Variants in PNPLA6 observed in about 807,000 individuals in gnomAD.
PNPLA6 encodes patatin like domain 6, lysophospholipase.
PNPLA6 carries 105 observed loss-of-function variants against 153.7 expected under a neutral mutation model. That is an observed-to-expected ratio of 0.68 (90% CI 0.58 to 0.80). The LOEUF (loss-of-function observed/expected upper bound fraction) is 0.80, where lower values mean the gene tolerates loss of function less well. PNPLA6 is among the 30% of genes least tolerant of loss of function. The probability of loss-of-function intolerance (pLI) is 0.00; values close to 1 mark genes in which losing one functional copy is unlikely to be tolerated. For synonymous variants in PNPLA6, 825 were observed against 822.2 expected (o/e 1.00, Z -0.06); for missense variants, 1,423 against 1,919.3 (o/e 0.74, Z 4.83).
intron 27 of PNPLA6, chr19:7,557,656 T>C (rs518321): frequency 0.59 from 206,888 of 351,594 alleles, 61,913 homozygotes; most frequent in Admixed American, 0.65. Context: ...TGGTGGGGTG[T>C]GCCTGTAATC....
At chr19:7,539,595 T>C (rs1374859616) in intron 3 of PNPLA6, among the ~76,000 whole-genome samples, 3 of 141,458 alleles carry the variant, frequency 2.1e-5, no homozygotes, top group African/African-American at 8.0e-5. Context: ...CCATCTCTAC[T>C]AAAAATGCAA....
At chr19:7,556,078 T>C (rs2023867710) in intron 24 of PNPLA6, among the ~76,000 whole-genome samples, 1 of 105,716 alleles carries the variant, frequency 9.5e-6, no homozygotes, top group Non-Finnish European at 1.8e-5. Context: ...TTTTTTTTTT[T>C]TTGAGACTGA....
At position 7,558,818 on chromosome 19, in the gene PNPLA6, G is replaced by A; in HGVS notation, c.3398-32G>A. On this transcript the variant is annotated intron_variant, in intron 27 of 31. Transcript: ENST00000600737. ...ACATCTCTGCCCCGGGCCCCCGAGG[G>A]GAGCAGCCCGCTGACCCCCCTGGCC... The A allele has an allele frequency of 1.9e-6, 3 of 1,581,630 alleles. No individual in the cohort carries two copies. In the South Asian group the frequency reaches 3.4e-5, roughly 18 times the overall value.
Position 7,558,969 on chromosome 19 carries a change from C to A in PNPLA6, c.3517C>A (p.Arg1173=), listed in dbSNP as rs766389806. 2.5e-6 allele frequency: 4 copies of A among 1,614,024 alleles called. No individual in the cohort carries two copies. The South Asian group carries it at 3.3e-5, about 13-fold the overall frequency. ...SLSGWWLLWK[R]LNPWADKVKV... ...GTCCGGCTGGTGGCTGCTGTGGAAG[C>A]GGCTGAATCCCTGGGCTGACAAGGT... is the stretch of plus-strand genomic sequence containing the variant. Residue 1173 remains arginine (R), a synonymous_variant, in exon 28 of 32, where the codon CGG becomes AGG. Transcript: ENST00000600737.
intron 13 of PNPLA6, chr19:7,549,670 TAG>T: frequency 1.8e-6 from 1 of 567,624 alleles, no homozygotes; most frequent in Non-Finnish European, 3.2e-6. Flanking sequence ...TTTATTTTAG[TAG>T]AGACAGGTTT....
chr19:7,554,177 G>C (rs376639290), intron 19 of PNPLA6, 32 bp from the exon 20 acceptor site: 1 of 1,608,102 alleles, frequency 6.2e-7, no homozygotes, highest in Non-Finnish European at 8.5e-7. Flanking sequence ...GTGGACCATG[G>C]TTCCCAGCCT....
rs1443683193 is a variant in PNPLA6, at chr19:7,551,085, A to C, written c.2162A>C (p.His721Pro). 1 of 1,548,302 alleles carries C rather than the reference A, an allele frequency of 6.5e-7. No homozygotes were observed. Among genetic ancestry groups the C allele is most frequent in the Non-Finnish European group, 8.7e-7 (1 of 1,146,100 alleles). ...AAGCTTCCCGAGGGCACCTTGGGTC[A>C]CATCAAACGCCGGTACCCGCAGGTG... Reference protein sequence around the residue: ...LAKLPEGTLGHIKRRYPQVVT... With the variant: ...LAKLPEGTLGPIKRRYPQVVT... Residue 721 changes from histidine (H) to proline (P), a missense_variant, in exon 17 of 32, where the codon CAC becomes CCC. Coordinates refer to ENST00000600737, the MANE Select transcript of PNPLA6 (RefSeq NM_001166114.2).
chr19:7,547,458 A>G (rs550462453), intron 13 of PNPLA6, among the ~76,000 whole-genome samples: 1 of 152,110 alleles, frequency 6.6e-6, no homozygotes, highest in Non-Finnish European at 1.5e-5. Context: ...CCATTTGTAT[A>G]TCTTCTTTGG....
At position 7,540,792 on chromosome 19, in the gene PNPLA6, C is replaced by T; in HGVS notation, c.795+82C>T. 2.6e-6 allele frequency: 4 copies of T among 1,546,108 alleles called. No homozygotes were observed. The highest frequency in any genetic ancestry group is 1.7e-5 in the Admixed American group (1 of 59,882). ...CTAGGTTGAAGGAAATCACAGGGTCCCCAATCTCTGGTTCATCCGTTATGC... is the reference window on the plus strand; with the variant it reads ...CTAGGTTGAAGGAAATCACAGGGTCTCCAATCTCTGGTTCATCCGTTATGC... On this transcript the variant is annotated intron_variant, in intron 6 of 31. Coordinates refer to ENST00000600737, the MANE Select transcript of PNPLA6 (RefSeq NM_001166114.2). This position sits in a 1 kb window ranked among gnomAD's most constrained non-coding sequence, Gnocchi z 6.8.
intron 26 of PNPLA6, 40 bp downstream of exon 26, chr19:7,556,764 A>G (rs1369270182): frequency 1.4e-6 from 2 of 1,413,326 alleles, no homozygotes; most frequent in Admixed American, 3.3e-5. Flanking sequence ...CGCTGACGCC[A>G]CGTGGGGTTG....
rs370597983 is a variant in PNPLA6, at chr19:7,557,295, G to T, written c.3397+11G>T. 6.3e-5 allele frequency: 96 copies of T among 1,534,904 alleles called. No individual in the cohort carries two copies. Among genetic ancestry groups the T allele is most frequent in the Admixed American group, 2.2e-4 (13 of 59,824 alleles). ...TCAACAATCTGCCAGGCAAGTGGCC[G>T]CCCGCACCACCCGCACACGCAAGCA... On this transcript the variant is annotated intron_variant, in intron 27 of 31. Transcript: ENST00000600737.
At position 7,541,885 on chromosome 19, in the gene PNPLA6, T is replaced by C; in HGVS notation, c.1169-99T>C. The C allele has an allele frequency of 8.3e-7, 1 of 1,204,524 alleles. No homozygotes were observed. The highest frequency in any genetic ancestry group is 1.5e-5 in the African/African-American group (1 of 67,526). The allele number at this position is 1,204,524 out of a possible 1,614,324, so 74.6% of individuals were successfully genotyped here. A position where few individuals can be genotyped will look rare whatever the true frequency, so the allele number is the denominator to read the frequency against. Reference sequence around the variant, plus strand: ...TCCCCAAGGGCCCATTGGAATTGCTTTAACTAGTTAATCAGTCGCCAGCAT... The same window carrying C: ...TCCCCAAGGGCCCATTGGAATTGCTCTAACTAGTTAATCAGTCGCCAGCAT... On this transcript the variant is annotated intron_variant, in intron 9 of 31. Transcript: ENST00000600737. The surrounding 1 kb of genome is among the most constrained non-coding windows in gnomAD (Gnocchi z 5.2).
At chr19:7,535,434 C>A, upstream of PNPLA6, 1 of 1,082,866 alleles carries the variant, frequency 9.2e-7, no homozygotes, top group Non-Finnish European at 1.4e-6. This position sits in a 1 kb window ranked among gnomAD's most constrained non-coding sequence, Gnocchi z 5.0. Context: ...GAGCTGGGGG[C>A]AGGGCTTGAG....
In PNPLA6 at chr19:7,550,170, G is replaced by A. The variant is rs1417868566; in HGVS notation, c.1814+58G>A. On this transcript the variant is annotated intron_variant, in intron 14 of 31. Coordinates refer to ENST00000600737, the MANE Select transcript of PNPLA6 (RefSeq NM_001166114.2). ...ACTCGGAGGACCCCAACCCGTGGGAGTGGCCAGAACCCCATCCCTCAACCT... is the reference window on the plus strand; with the variant it reads ...ACTCGGAGGACCCCAACCCGTGGGAATGGCCAGAACCCCATCCCTCAACCT... The A allele has an allele frequency of 5.6e-6, 9 of 1,607,916 alleles. No individual in the cohort carries two copies. In the East Asian group the frequency reaches 2.0e-4, roughly 36 times the overall value.
chr19:7,551,727 G>C, intron 18 of PNPLA6, among the ~76,000 whole-genome samples: 1 of 152,128 alleles, frequency 6.6e-6, no homozygotes, highest in East Asian at 1.9e-4. Context: ...CGGTGGACTT[G>C]GCGTAGTCTG....
Position 7,561,664 on chromosome 19 carries a change from C to T in PNPLA6, c.*102C>T, listed in dbSNP as rs533101098. The stretch of plus-strand genomic sequence containing the variant: ...CCCCTCCTGCTGCTATGCCTGTGAC[C>T]CCCGCGGCCCACACACTGGACTGAC... On this transcript the variant is annotated 3_prime_UTR_variant, in exon 32 of 32. Coordinates refer to ENST00000600737, the MANE Select transcript of PNPLA6 (RefSeq NM_001166114.2). The T allele has an allele frequency of 4.5e-5, 37 of 823,034 alleles. No individual in the cohort carries two copies. The East Asian group carries it at 9.0e-4, about 20-fold the overall frequency. The allele number at this position is 823,034 out of a possible 1,614,324, so 51.0% of individuals were successfully genotyped here.
chr19:7,544,298 G>A (rs986695428), intron 13 of PNPLA6, among the ~76,000 whole-genome samples: 2 of 151,984 alleles, frequency 1.3e-5, no homozygotes, highest in African/African-American at 4.8e-5. Context: ...TTTTAGTAGA[G>A]ATGGGGTTTT....
Position 7,541,625 on chromosome 19 carries a change from C to G in PNPLA6, c.1109C>G (p.Pro370Arg), listed in dbSNP as rs200897068. 1.3e-6 allele frequency: 2 copies of G among 1,589,396 alleles called. No homozygotes were observed. Among genetic ancestry groups the G allele is most frequent in the African/African-American group, 2.7e-5 (2 of 74,548 alleles). The change falls in exon 9 of 32, where the codon CCC becomes CGC. Residue 370 changes from proline (P) to arginine (R), a missense_variant. Coordinates refer to ENST00000600737, the MANE Select transcript of PNPLA6 (RefSeq NM_001166114.2). This position sits in a 1 kb window ranked among gnomAD's most constrained non-coding sequence, Gnocchi z 5.2. ...RMVSTSATDE[P>R]RETPGRPPDP... The stretch of plus-strand genomic sequence containing the variant: ...GTCAGCACCTCAGCTACAGACGAGC[C>G]CAGGGAGACCCCAGGGCGGCCACCC...
At chr19:7,551,469 A>G in intron 18 of PNPLA6, 32 bp downstream of exon 18, 2 of 1,564,324 alleles carry the variant, frequency 1.3e-6, no homozygotes, top group Non-Finnish European at 1.8e-6. Flanking sequence ...GCGTGCTGGG[A>G]GATGTAGTCC....
Sources: gnomAD v4.1 joint callset for allele counts (sites outside exome capture counted in the v4.1 genomes callset) on GRCh38, gnomAD v4.1.1 for gene constraint, Gnocchi (gnomAD v3.1) non-coding constraint, MANE v1.5 for transcripts, NCBI Gene and HGNC (gene_info 2026-07-23, HGNC 2026-07-21) for gene names.